DNMT1: variants seen among roughly 807,000 people sequenced by gnomAD.
The protein encoded by DNMT1 is DNA methyltransferase 1.
In DNMT1, 24 loss-of-function variants were observed where a neutral mutation model predicts 205.3. The ratio of observed to expected loss-of-function variants is 0.12; its 90% CI spans 0.08 to 0.16. The LOEUF (loss-of-function observed/expected upper bound fraction) is 0.16, where lower values mean the gene tolerates loss of function less well. Among genes scored for constraint, DNMT1 ranks in the 10% least tolerant of loss-of-function variants. The probability of loss-of-function intolerance (pLI) is 1.00; values close to 1 mark genes in which losing one functional copy is unlikely to be tolerated. For synonymous variants in DNMT1, 817 were observed against 839.8 expected (o/e 0.97, Z 0.47); for missense variants, 1,293 against 2,177.7 (o/e 0.59, Z 8.09).
chr19:10,177,268 GC>G, intron 6 of DNMT1, 23 bp downstream of exon 6: 2 of 1,612,756 alleles, frequency 1.2e-6, no homozygotes, highest in African/African-American at 2.7e-5. Flanking sequence ...AAAAAAGGCA[GC>G]CGCCAATTTA....
intron 1 of DNMT1, among the ~76,000 whole-genome samples, chr19:10,182,858 G>A (rs1000031272): frequency 6.6e-6 from 1 of 151,214 alleles, no homozygotes; most frequent in Non-Finnish European, 1.5e-5. Context: ...TAGAGACAGG[G>A]TTTCACCATG....
chr19:10,166,725 G>A (rs557782894), intron 10 of DNMT1, 40 bp from the exon 11 acceptor site: 54 of 1,592,608 alleles, frequency 3.4e-5, no homozygotes, highest in Non-Finnish European at 3.7e-5. Context: ...TGGTCAGCTC[G>A]GGGGGGGCCC....
At position 10,180,492 on chromosome 19, in the gene DNMT1, C is replaced by T. The variant is rs2039026051; in HGVS notation, c.303G>A (p.Arg101=). The change falls in exon 4 of 41, where the codon CGG becomes CGA. Residue 101 remains arginine (R), a synonymous_variant. Coordinates refer to ENST00000359526, the MANE Select transcript of DNMT1 (RefSeq NM_001130823.3). ...CGTTTTCTAGACGTCCATTCACTTC[C>T]CGGTTGTAAGCATGAGCACCGTTCT... ...SLENGAHAYN[R]EVNGRLENGN... 1.9e-6 allele frequency: 3 copies of T among 1,614,006 alleles called. No individual in the cohort carries two copies. Among genetic ancestry groups the T allele is most frequent in the South Asian group, 2.2e-5 (2 of 91,080 alleles).
At chr19:10,141,808 T>C in intron 30 of DNMT1, 1 of 585,980 alleles carries the variant, frequency 1.7e-6, no homozygotes, top group Non-Finnish European at 3.0e-6. Flanking sequence ...CCAGGAGTGT[T>C]AAACTCCGGG....
chr19:10,185,909 G>T (rs1018191033), intron 1 of DNMT1, among the ~76,000 whole-genome samples: 1 of 151,706 alleles, frequency 6.6e-6, no homozygotes, highest in African/African-American at 2.4e-5. Flanking sequence ...ACCTCTTCCA[G>T]GCAAAAGTCA....
chr19:10,137,552 G>A lies in DNMT1; in HGVS notation c.4294-272C>T. On this transcript the variant is annotated intron_variant, in intron 36 of 40. Coordinates refer to ENST00000359526, the MANE Select transcript of DNMT1 (RefSeq NM_001130823.3). The surrounding 1 kb of genome is among the most constrained non-coding windows in gnomAD (Gnocchi z 6.4). ...GGGGATGGTGAAAGGGCTGGTCTTG[G>A]CATCCTGGGAAAACATGCGGGGAGA... is the stretch of plus-strand genomic sequence containing the variant. 1 of 640,072 alleles carries A rather than the reference G, an allele frequency of 1.6e-6. No homozygotes were observed. Among genetic ancestry groups the A allele is most frequent in the Non-Finnish European group, 2.7e-6 (1 of 369,874 alleles). The allele number at this position is 640,072 out of a possible 1,614,324, so 39.6% of individuals were successfully genotyped here.
intron 13 of DNMT1, among the ~76,000 whole-genome samples, chr19:10,161,277 C>A (rs947696049): frequency 6.6e-6 from 1 of 152,046 alleles, no homozygotes; most frequent in Non-Finnish European, 1.5e-5. Flanking sequence ...TGTACTCCAG[C>A]CTGGCGGCAG....
At chr19:10,134,745 C>A (rs1315583865) in intron 39 of DNMT1, among the ~76,000 whole-genome samples, 1 of 151,796 alleles carries the variant, frequency 6.6e-6, no homozygotes, top group Non-Finnish European at 1.5e-5. Context: ...GTAATCCCAG[C>A]ACCTCAGGAG....
chr19:10,157,360 G>A (rs1015495623), intron 17 of DNMT1, among the ~76,000 whole-genome samples: 1 of 152,170 alleles, frequency 6.6e-6, no homozygotes, highest in African/African-American at 2.4e-5. Flanking sequence ...AAGGGATGTG[G>A]GAAGGAAGGA....
At chr19:10,162,796 C>T (rs749914530) in intron 12 of DNMT1, 48 bp from the exon 13 acceptor site, 1 of 1,594,084 alleles carries the variant, frequency 6.3e-7, no homozygotes, top group African/African-American at 1.3e-5. Flanking sequence ...GAAACACTAA[C>T]CACATCGCCA....
At position 10,194,927 on chromosome 19, in the gene DNMT1, G is replaced by T. The variant is rs760068813; in HGVS notation, c.-28C>A. On this transcript the variant is annotated 5_prime_UTR_variant, in exon 1 of 41. Coordinates refer to ENST00000359526, the MANE Select transcript of DNMT1 (RefSeq NM_001130823.3). Reference sequence around the variant, plus strand: ...CGGAGGCTTCAGCAGACGCGGCGGCGGCAGCGCAGGCGCCCCGGCTTTTCG... The same window carrying T: ...CGGAGGCTTCAGCAGACGCGGCGGCTGCAGCGCAGGCGCCCCGGCTTTTCG... 7 of 1,590,100 alleles carry T rather than the reference G, an allele frequency of 4.4e-6. No individual in the cohort carries two copies. The highest frequency in any genetic ancestry group is 3.5e-5 in the Admixed American group (2 of 56,780).
intron 28 of DNMT1, among the ~76,000 whole-genome samples, chr19:10,145,365 C>T (rs997804133): frequency 1.3e-5 from 2 of 152,190 alleles, no homozygotes; most frequent in Non-Finnish European, 2.9e-5. Flanking sequence ...TGTGCCAAGG[C>T]TGGAGGGAAC....
In DNMT1 at chr19:10,141,071, A is replaced by G. The variant is rs2290684; in HGVS notation, c.3394+34T>C. Reference sequence around the variant, plus strand: ...ACAGGCAGCCTCCAAGTTACAGAAGAATAACTTGAAAAGAAACTCATACAA... The same window carrying G: ...ACAGGCAGCCTCCAAGTTACAGAAGGATAACTTGAAAAGAAACTCATACAA... On this transcript the variant is annotated intron_variant, in intron 31 of 40. Transcript: ENST00000359526. 798,902 of 1,612,910 alleles carry G rather than the reference A, an allele frequency of 0.5. 198,961 individuals are homozygous for G. Among genetic ancestry groups the G allele is most frequent in the Admixed American group, 0.51 (30,885 of 59,998 alleles).
chr19:10,148,300 T>A (rs903384544), intron 27 of DNMT1, among the ~76,000 whole-genome samples: 1 of 150,466 alleles, frequency 6.6e-6, no homozygotes, highest in Non-Finnish European at 1.5e-5. Context: ...ATCGAGACCA[T>A]CCTGGCTAAC....
intron 6 of DNMT1, among the ~76,000 whole-genome samples, chr19:10,176,952 A>T (rs1446423772): frequency 6.6e-6 from 1 of 152,156 alleles, no homozygotes; most frequent in Non-Finnish European, 1.5e-5. Flanking sequence ...GAAATATACT[A>T]AACTATATAT....
At chr19:10,155,545 C>G (rs2038439351) in intron 19 of DNMT1, among the ~76,000 whole-genome samples, 1 of 152,114 alleles carries the variant, frequency 6.6e-6, no homozygotes, top group South Asian at 2.1e-4. Context: ...ACCATGTTGG[C>G]CAGGCTAGGC....
intron 1 of DNMT1, among the ~76,000 whole-genome samples, chr19:10,182,913 G>A (rs1489799201): frequency 6.6e-6 from 1 of 151,452 alleles, no homozygotes; most frequent in African/African-American, 2.4e-5. Context: ...TGATCCGCCT[G>A]CCTCAGTCTC....
chr19:10,184,053 C>G (rs2039131205), intron 1 of DNMT1, among the ~76,000 whole-genome samples: 1 of 152,048 alleles, frequency 6.6e-6, no homozygotes, highest in African/African-American at 2.4e-5. Flanking sequence ...GACCCTGACT[C>G]AAAAAGATAC....
intron 1 of DNMT1, among the ~76,000 whole-genome samples, chr19:10,193,471 C>T (rs183849933): frequency 1.7e-3 from 265 of 152,142 alleles, no homozygotes; most frequent in Non-Finnish European, 3.0e-3. Flanking sequence ...TCAAGTGATA[C>T]TCCCACCTTA....
Sources: allele counts gnomAD v4.1 joint callset (sites outside exome capture counted in the v4.1 genomes callset), GRCh38; gene constraint gnomAD v4.1.1; non-coding constraint Gnocchi (gnomAD v3.1); transcripts MANE v1.5; gene names NCBI Gene and HGNC (gene_info 2026-07-23, HGNC 2026-07-21).